The following FSTL4 variants were observed in gnomAD, a reference collection of about 807,000 sequenced individuals.
FSTL4 encodes the protein follistatin-related protein 4.
A neutral mutation model predicts 78.2 loss-of-function variants in FSTL4; 28 were observed. That is an observed-to-expected ratio of 0.36 (90% CI 0.27 to 0.49). FSTL4 has a LOEUF of 0.49. FSTL4 is among the 20% of genes least tolerant of loss of function. The probability of loss-of-function intolerance (pLI) is 0.98; values close to 1 mark genes in which losing one functional copy is unlikely to be tolerated. For missense variants in FSTL4, 922 were observed against 1,084.9 expected, an observed-to-expected ratio of 0.85 and a Z score of 2.11; for synonymous variants, 422 against 440.5, an observed-to-expected ratio of 0.96 and a Z score of 0.53.
the FSTL4 span, among the ~76,000 whole-genome samples, chr5:133,752,339 G>A: frequency 4.1e-4 from 62 of 152,288 alleles, no homozygotes; most frequent in African/African-American, 1.4e-3. Flanking sequence ...CAAAGGCAAC[G>A]GGCACTATGG....
chr5:133,455,968 G>A (rs560533956), intron 3 of FSTL4, among the ~76,000 whole-genome samples: 51 of 152,206 alleles, frequency 3.4e-4, no homozygotes, highest in Non-Finnish European at 4.9e-4. Flanking sequence ...TCTGACAGTC[G>A]CCGAATACTT....
the FSTL4 span, among the ~76,000 whole-genome samples, chr5:133,667,997 G>C: frequency 6.6e-6 from 1 of 152,242 alleles, no homozygotes; most frequent in Non-Finnish European, 1.5e-5. Flanking sequence ...TTTCATGCCT[G>C]ATAACACTTC....
At chr5:133,663,506 T>C in the FSTL4 span, among the ~76,000 whole-genome samples, 1 of 152,228 alleles carries the variant, frequency 6.6e-6, no homozygotes, top group African/African-American at 2.4e-5. Flanking sequence ...ATGAGTGTTT[T>C]TGTTTGAGAA....
chr5:133,536,022 G>T (rs941301172), intron 3 of FSTL4, among the ~76,000 whole-genome samples: 1 of 152,174 alleles, frequency 6.6e-6, no homozygotes, highest in Non-Finnish European at 1.5e-5. Flanking sequence ...CAAGCAGAGG[G>T]CCTCTCACAC....
At chr5:133,439,857 C>T (rs1757114052) in intron 3 of FSTL4, among the ~76,000 whole-genome samples, 1 of 152,322 alleles carries the variant, frequency 6.6e-6, no homozygotes, top group African/African-American at 2.4e-5. Flanking sequence ...CCCTCTTCCC[C>T]ACACCTGGCA....
rs567765395 is a variant in FSTL4 at position 133,399,722 on chromosome 5, C to A, written c.409+1016G>T. 8.2e-4 allele frequency among the ~76,000 whole-genome samples: 125 copies of A among 152,308 alleles called. 1 individual carries two copies. The highest frequency in any genetic ancestry group is 2.8e-3 in the African/African-American group (117 of 41,580). On this transcript the variant is annotated intron_variant, in intron 4 of 15. Transcript: ENST00000265342. ...GTCTTCTAGTGTTGCAGGCACTTGGCAGGTGTCTAGTCCAAGCCTCCTCCT... is the reference window on the plus strand; with the variant it reads ...GTCTTCTAGTGTTGCAGGCACTTGGAAGGTGTCTAGTCCAAGCCTCCTCCT...
At chr5:133,645,135 C>G in the FSTL4 span, among the ~76,000 whole-genome samples, 276 of 152,250 alleles carry the variant, frequency 1.8e-3, 1 homozygote, top group Middle Eastern at 0.01. Flanking sequence ...TTTGACCCAT[C>G]TGCATCAATT....
At chr5:133,483,942 C>A (rs571411671) in intron 3 of FSTL4, among the ~76,000 whole-genome samples, 1 of 152,178 alleles carries the variant, frequency 6.6e-6, no homozygotes, top group East Asian at 1.9e-4. Flanking sequence ...GGCCTCCAAG[C>A]GAGAATGTCC....
chr5:133,731,137 C>G, the FSTL4 span, among the ~76,000 whole-genome samples: 1 of 151,966 alleles, frequency 6.6e-6, no homozygotes, highest in East Asian at 1.9e-4. Context: ...AGGGTGGGCA[C>G]TTGTTTCTTG....
chr5:133,813,186 A>T, the FSTL4 span, among the ~76,000 whole-genome samples: 4,470 of 152,344 alleles, frequency 0.029, 125 homozygotes, highest in Middle Eastern at 0.075. Flanking sequence ...AAAGCCACGT[A>T]TGTAGCTTGG....
chr5:133,820,698 G>T, the FSTL4 span, among the ~76,000 whole-genome samples: 2 of 152,206 alleles, frequency 1.3e-5, no homozygotes, highest in Non-Finnish European at 2.9e-5. Context: ...TTTAGCTTTC[G>T]TAAGTGTTGG....
At chr5:133,301,482 A>T (rs1753538282) in intron 6 of FSTL4, among the ~76,000 whole-genome samples, 2 of 152,118 alleles carry the variant, frequency 1.3e-5, no homozygotes, top group Non-Finnish European at 2.9e-5. Flanking sequence ...GAAGGGGATA[A>T]GGAAGATGAG....
At chr5:133,207,230 T>A (rs1166318690) in intron 14 of FSTL4, among the ~76,000 whole-genome samples, 2 of 152,246 alleles carry the variant, frequency 1.3e-5, no homozygotes, top group Non-Finnish European at 2.9e-5. Context: ...AGCTCTTCTA[T>A]GTTAATCACT....
At chr5:133,238,509 A>T (rs192813125) in intron 7 of FSTL4, among the ~76,000 whole-genome samples, 23 of 152,320 alleles carry the variant, frequency 1.5e-4, no homozygotes, top group African/African-American at 5.5e-4. Flanking sequence ...ATCCAGACCA[A>T]GCCAGGACCA....
chr5:133,803,746 G>A, the FSTL4 span, among the ~76,000 whole-genome samples: 1 of 152,130 alleles, frequency 6.6e-6, no homozygotes, highest in African/African-American at 2.4e-5. Flanking sequence ...TAGGCACTGG[G>A]GCTACAAAGA....
intron 2 of FSTL4, among the ~76,000 whole-genome samples, chr5:133,580,689 C>T (rs1046872297): frequency 2.0e-5 from 3 of 152,150 alleles, no homozygotes; most frequent in Non-Finnish European, 2.9e-5. Context: ...AATCTGAGCA[C>T]GTTTGTCTGC....
the FSTL4 span, among the ~76,000 whole-genome samples, chr5:133,779,824 G>A: frequency 1.2e-3 from 180 of 152,252 alleles, no homozygotes; most frequent in African/African-American, 4.1e-3. Context: ...CCTGACTCAG[G>A]GTCTGTCCCA....
chr5:133,766,718 CA>C, the FSTL4 span, among the ~76,000 whole-genome samples: 1 of 152,280 alleles, frequency 6.6e-6, no homozygotes, highest in South Asian at 2.1e-4. Context: ...GTTGAAGATC[CA>C]AGTGCCGAGT....
intron 3 of FSTL4, among the ~76,000 whole-genome samples, chr5:133,491,637 C>T (rs1356015236): frequency 2.0e-5 from 3 of 152,014 alleles, no homozygotes; most frequent in African/African-American, 4.8e-5. Flanking sequence ...CTCCTGACCT[C>T]GTGATCCACC....
Sources: allele counts gnomAD v4.1 joint callset (sites outside exome capture counted in the v4.1 genomes callset), GRCh38; gene constraint gnomAD v4.1.1; transcripts MANE v1.5; gene names NCBI Gene and HGNC (gene_info 2026-07-23, HGNC 2026-07-21).